The following GALNT13 variants were observed in gnomAD, a reference collection of about 807,000 sequenced individuals.
GALNT13 encodes the protein UDP-GalNAc:polypeptide N-acetylgalactosaminyltransferase 13.
Under a neutral mutation model 64.2 loss-of-function variants are expected in GALNT13, and 28 were observed. The observed-to-expected ratio is 0.44, with a 90% CI of 0.32 to 0.60. The LOEUF is 0.60. Among genes scored for constraint, GALNT13 ranks in the 20% least tolerant of loss-of-function variants. The pLI, the probability that GALNT13 is intolerant of heterozygous loss-of-function variation, is 0.05. For missense variants in GALNT13, 577 were observed against 669.8 expected (o/e 0.86, Z 1.53); for synonymous variants, 214 against 224.6 (o/e 0.95, Z 0.42).
chr2:153,592,746 A>G, the GALNT13 span: 1 of 152,254 alleles, frequency 6.6e-6, no homozygotes, highest in Non-Finnish European at 1.5e-5. Context: ...AGAGACCCCA[A>G]ATACTGCGAG....
At chr2:153,290,707 A>G in the GALNT13 span, among the ~76,000 whole-genome samples, 1 of 152,186 alleles carries the variant, frequency 6.6e-6, no homozygotes, top group Non-Finnish European at 1.5e-5. Context: ...ATTCCTACAT[A>G]TTATCCCCCT....
chr2:153,258,492 C>T, the GALNT13 span, among the ~76,000 whole-genome samples: 2 of 152,080 alleles, frequency 1.3e-5, no homozygotes, highest in Non-Finnish European at 2.9e-5. Context: ...CTTTCTTCTA[C>T]AAGTTTTGCA....
the GALNT13 span, among the ~76,000 whole-genome samples, chr2:153,390,881 A>C: frequency 6.6e-6 from 1 of 152,086 alleles, no homozygotes; most frequent in Non-Finnish European, 1.5e-5. Flanking sequence ...GATGATAAAT[A>C]CAGTAAATAA....
At chr2:153,584,273 G>A in the GALNT13 span, among the ~76,000 whole-genome samples, 5 of 152,150 alleles carry the variant, frequency 3.3e-5, no homozygotes, top group Admixed American at 6.5e-5. Context: ...TTGAGCACAA[G>A]CTTGCCTGGT....
In GALNT13 at chr2:154,211,114, A is replaced by G. The variant is rs1042214639; in HGVS notation, c.312-30916A>G. Among the ~76,000 whole-genome samples the G allele has an allele frequency of 3.9e-5, 6 of 152,230 alleles. No homozygotes were observed. In the South Asian group the frequency reaches 1.2e-3, roughly 32 times the overall value. ...AAATGTGTGAGTTTTCAACATCTAC[A>G]CTCATGCATTGCTTAACAGTGGGAA... is the stretch of plus-strand genomic sequence containing the variant. On this transcript the variant is annotated intron_variant, in intron 4 of 12. Transcript: ENST00000392825.
chr2:153,442,156 TG>T, the GALNT13 span, among the ~76,000 whole-genome samples: 4 of 152,100 alleles, frequency 2.6e-5, no homozygotes, highest in African/African-American at 9.7e-5. Flanking sequence ...CTTAGCATGA[TG>T]GGGATTTGAA....
chr2:153,295,699 A>G, the GALNT13 span, among the ~76,000 whole-genome samples: 1 of 152,170 alleles, frequency 6.6e-6, no homozygotes, highest in Non-Finnish European at 1.5e-5. Flanking sequence ...ATGGACCAGT[A>G]TCTCACTAGC....
chr2:153,833,593 T>C, the GALNT13 span, among the ~76,000 whole-genome samples: 1 of 152,138 alleles, frequency 6.6e-6, no homozygotes, highest in Non-Finnish European at 1.5e-5. Context: ...AACTGAAACA[T>C]TATCACAAGC....
At chr2:153,381,331 C>T in the GALNT13 span, among the ~76,000 whole-genome samples, 1 of 152,080 alleles carries the variant, frequency 6.6e-6, no homozygotes, top group Admixed American at 6.6e-5. Context: ...TTTCACATGG[C>T]TGTGCCTAAT....
At chr2:154,077,045 T>A (rs1701024881) in intron 3 of GALNT13, among the ~76,000 whole-genome samples, 1 of 151,636 alleles carries the variant, frequency 6.6e-6, no homozygotes, top group African/African-American at 2.4e-5. Flanking sequence ...CAAATAATAG[T>A]TGTAAAGTTT....
At chr2:153,958,919 T>C (rs2680680) in intron 3 of GALNT13, among the ~76,000 whole-genome samples, 16,276 of 152,124 alleles carry the variant, frequency 0.11, 1,319 homozygotes, top group Admixed American at 0.26. Context: ...ACAAAAATAT[T>C]TGGATGGCCA....
chr2:153,475,498 A>T, the GALNT13 span, among the ~76,000 whole-genome samples: 1 of 152,224 alleles, frequency 6.6e-6, no homozygotes, highest in Non-Finnish European at 1.5e-5. Context: ...AGAAATACTA[A>T]GAGGAACAAG....
chr2:153,342,891 C>T, the GALNT13 span, among the ~76,000 whole-genome samples: 45 of 152,138 alleles, frequency 3.0e-4, no homozygotes, highest in African/African-American at 1.0e-3. Flanking sequence ...ATATTTTAAA[C>T]ATGATTTCTT....
At chr2:153,419,199 A>G in the GALNT13 span, among the ~76,000 whole-genome samples, 2 of 152,188 alleles carry the variant, frequency 1.3e-5, no homozygotes, top group Non-Finnish European at 2.9e-5. Context: ...CCTTCTTCAC[A>G]TGGTGGCAGC....
At chr2:153,956,057 A>C (rs1411639808) in intron 3 of GALNT13, among the ~76,000 whole-genome samples, 1 of 152,214 alleles carries the variant, frequency 6.6e-6, no homozygotes, top group Non-Finnish European at 1.5e-5. Context: ...TTGGGCAAGC[A>C]CCTGCCAGCC....
chr2:153,983,216 A>G (rs1358996467), intron 3 of GALNT13, among the ~76,000 whole-genome samples: 1 of 151,844 alleles, frequency 6.6e-6, no homozygotes, highest in African/African-American at 2.4e-5. Flanking sequence ...TGTTATTTTA[A>G]TCTTTATGAA....
At chr2:154,204,459 A>T (rs1419956432) in intron 4 of GALNT13, among the ~76,000 whole-genome samples, 2 of 152,164 alleles carry the variant, frequency 1.3e-5, no homozygotes, top group Non-Finnish European at 2.9e-5. Context: ...ATTTATTTTC[A>T]TTTTTCCAAT....
the GALNT13 span, among the ~76,000 whole-genome samples, chr2:153,341,925 G>T: frequency 6.6e-6 from 1 of 152,040 alleles, no homozygotes; most frequent in South Asian, 2.1e-4. Flanking sequence ...AGGTTGCAGG[G>T]CTCTGTGATA....
intron 2 of GALNT13, among the ~76,000 whole-genome samples, chr2:153,930,803 G>T (rs2105355513): frequency 6.6e-6 from 1 of 152,004 alleles, no homozygotes; most frequent in Middle Eastern, 3.4e-3. Flanking sequence ...TTGGCTATCT[G>T]GGCTCTTATT....
Sources: allele counts gnomAD v4.1 joint callset (sites outside exome capture counted in the v4.1 genomes callset), GRCh38; gene constraint gnomAD v4.1.1; transcripts MANE v1.5; gene names NCBI Gene and HGNC (gene_info 2026-07-23, HGNC 2026-07-21).